PCDHA4: variants seen among roughly 807,000 people sequenced by gnomAD.
PCDHA4 encodes protocadherin alpha-4.
A neutral mutation model predicts 61.4 loss-of-function variants in PCDHA4; 49 were observed. That is an observed-to-expected ratio of 0.80 (90% CI 0.63 to 1.01). The LOEUF is 1.01. Ranked by LOEUF, PCDHA4 falls within the 50% of genes least tolerant of loss-of-function variation. The pLI is 0.00. For synonymous variants in PCDHA4, 590 were observed against 550.3 expected (o/e 1.07, Z -1.01); for missense variants, 1,254 against 1,235.8 (o/e 1.01, Z -0.22).
chr5:140,828,449 G>A (rs2150155406), intron 1 of PCDHA4: 1 of 1,614,280 alleles, frequency 6.2e-7, no homozygotes, highest in African/African-American at 1.3e-5. Flanking sequence ...TTTCCATGTG[G>A]ACGTGGAGGT....
At chr5:140,864,861 G>C (rs2048633310) in intron 1 of PCDHA4, 1 of 152,100 alleles carries the variant, frequency 6.6e-6, no homozygotes, top group African/African-American at 2.4e-5. Flanking sequence ...ATGATGAAGG[G>C]TGATACCATT....
chr5:140,863,670 C>A (rs2048115377), intron 1 of PCDHA4: 1 of 292,680 alleles, frequency 3.4e-6, no homozygotes, highest in Admixed American at 4.6e-5. Context: ...ATTTATTTTG[C>A]TTTTGCTTTT....
At chr5:141,001,908 G>T (rs2098043431) in intron 3 of PCDHA4, among the ~76,000 whole-genome samples, 1 of 152,198 alleles carries the variant, frequency 6.6e-6, no homozygotes, top group Non-Finnish European at 1.5e-5. Flanking sequence ...GTTTGAAAAA[G>T]ACTGCAGTGG....
At position 140,967,262 on chromosome 5, in the gene PCDHA4, C is replaced by T; in HGVS notation, c.2386-11687C>T. ...AAGCGAATCGGTGGCGCCTGGAGCG[C>T]GCTTTCACATAGAGAGTGCGCAGGA... On this transcript the variant is annotated intron_variant, in intron 1 of 3. Transcript: ENST00000530339. The T allele has an allele frequency of 1.9e-6, 3 of 1,613,522 alleles. No homozygotes were observed. In the South Asian group the frequency reaches 3.3e-5, roughly 18 times the overall value.
intron 1 of PCDHA4, among the ~76,000 whole-genome samples, chr5:140,879,496 C>T (rs186624809): frequency 6.6e-6 from 1 of 152,204 alleles, no homozygotes; most frequent in Admixed American, 6.5e-5. Context: ...GGGTCTGGAT[C>T]TCAGAAGAGA....
At chr5:140,876,324 T>A in intron 1 of PCDHA4, 1 of 1,614,000 alleles carries the variant, frequency 6.2e-7, no homozygotes, top group Non-Finnish European at 8.5e-7. Context: ...TCAAAATGAT[T>A]TTGCCAGTGA....
At chr5:140,823,791 C>T (rs2150129177) in intron 1 of PCDHA4, 96 of 1,613,688 alleles carry the variant, frequency 5.9e-5, no homozygotes, top group Non-Finnish European at 7.9e-5. Flanking sequence ...TGGAAAGTGG[C>T]CAGGCGCCGA....
chr5:141,005,701 CAAAAAAAAAAAAAAAA>C (rs59860837), intron 3 of PCDHA4, among the ~76,000 whole-genome samples: 5 of 7,786 alleles, frequency 6.4e-4, no homozygotes, highest in African/African-American at 1.9e-3. Context: ...AACTCCGTCT[CAAAAAAAAAAAAAAAA>C]AAAAAAAAAA....
chr5:140,842,923 G>A (rs1454806269), intron 1 of PCDHA4: 1 of 1,594,526 alleles, frequency 6.3e-7, no homozygotes, highest in Non-Finnish European at 8.6e-7. Flanking sequence ...TGCAGTTCCA[G>A]GTGAGCGCGC....
intron 1 of PCDHA4, chr5:140,876,863 T>C (rs1225401565): frequency 4.3e-6 from 7 of 1,613,806 alleles, no homozygotes; most frequent in Non-Finnish European, 5.1e-6. Flanking sequence ...ACAGTGTTCG[T>C]GAAGGAGAAC....
chr5:140,975,058 C>T (rs1016137596), intron 1 of PCDHA4, among the ~76,000 whole-genome samples: 34 of 152,090 alleles, frequency 2.2e-4, no homozygotes, highest in African/African-American at 8.2e-4. Context: ...AATCTACTAT[C>T]GAGCTCATTC....
chr5:140,888,447 A>G (rs1554183478), intron 1 of PCDHA4, among the ~76,000 whole-genome samples: 1 of 152,190 alleles, frequency 6.6e-6, no homozygotes, highest in Non-Finnish European at 1.5e-5. Context: ...CCCAACAATA[A>G]AGAATTAGCT....
In PCDHA4 at chr5:140,808,691, C is replaced by T. The variant is rs140993559; in HGVS notation, c.1504C>T (p.Arg502Cys). The change falls in exon 1 of 4, where the codon CGC becomes TGC. Residue 502 changes from arginine to cysteine, a missense_variant. Physicochemically the swap from Arg to Cys is radical, Grantham distance 180. Transcript: ENST00000530339. ...YSLVERRVGE[R>C]ALSSYVSVHA... is the part of the protein sequence containing the mutation. Reference sequence around the variant, plus strand: ...GCTGGTAGAGCGGCGGGTAGGGGAGCGCGCGCTGTCGAGCTACGTTTCGGT... The same window carrying T: ...GCTGGTAGAGCGGCGGGTAGGGGAGTGCGCGCTGTCGAGCTACGTTTCGGT... 8.2e-5 allele frequency: 132 copies of T among 1,611,952 alleles called. No homozygotes were observed. The highest frequency in any genetic ancestry group is 8.0e-4 in the African/African-American group (60 of 74,870).
At chr5:140,868,826 G>A in intron 1 of PCDHA4, 1 of 406,060 alleles carries the variant, frequency 2.5e-6, no homozygotes, top group Non-Finnish European at 4.3e-6. Flanking sequence ...TTTGGGGGAA[G>A]AAACCCAAAA....
At chr5:140,823,776 G>A (rs1013042375) in intron 1 of PCDHA4, 3 of 1,613,732 alleles carry the variant, frequency 1.9e-6, no homozygotes, top group Non-Finnish European at 2.5e-6. Flanking sequence ...TGCTGGTGTC[G>A]CTGGTGGAAA....
chr5:140,972,411 G>A (rs1258321444), intron 1 of PCDHA4, among the ~76,000 whole-genome samples: 1 of 151,680 alleles, frequency 6.6e-6, no homozygotes, highest in Non-Finnish European at 1.5e-5. Flanking sequence ...GGCAAACCCT[G>A]TTAAGATCTT....
chr5:140,928,875 T>C (rs781860300), intron 1 of PCDHA4: 1 of 1,614,184 alleles, frequency 6.2e-7, no homozygotes, highest in Non-Finnish European at 8.5e-7. Context: ...ACTCTGTCCC[T>C]CAGTTACTTC....
intron 3 of PCDHA4, among the ~76,000 whole-genome samples, chr5:140,985,239 A>C (rs2097143502): frequency 6.6e-6 from 1 of 152,008 alleles, no homozygotes; most frequent in South Asian, 2.1e-4. Flanking sequence ...GCCTGGCCTA[A>C]TCTTCTTACT....
chr5:140,823,878 C>A lies in PCDHA4; in HGVS notation c.2385+14306C>A, dbSNP rs142924665. On this transcript the variant is annotated intron_variant, in intron 1 of 3. Coordinates refer to ENST00000530339, the MANE Select transcript of PCDHA4 (RefSeq NM_018907.4). The stretch of plus-strand genomic sequence containing the variant: ...TGGATGTCAACGTGTACCTGATCAT[C>A]GCCATCTGTGCGGTGTCCAGCCTGC... 6,707 of 1,613,924 alleles carry A rather than the reference C, an allele frequency of 4.2e-3. 22 individuals are homozygous for A. Among genetic ancestry groups the A allele is most frequent in the Non-Finnish European group, 5.2e-3 (6,149 of 1,179,944 alleles).
Sources: allele counts gnomAD v4.1 joint callset (sites outside exome capture counted in the v4.1 genomes callset), GRCh38; gene constraint gnomAD v4.1.1; transcripts MANE v1.5; gene names NCBI Gene and HGNC (gene_info 2026-07-23, HGNC 2026-07-21).